The following ARHGAP32 variants were observed in gnomAD, a reference collection of about 807,000 sequenced individuals.
ARHGAP32 encodes Rho GTPase activating protein 32.
In ARHGAP32, 51 loss-of-function variants were observed where a neutral mutation model predicts 186.5. The observed-to-expected ratio is 0.27, with a 90% CI of 0.22 to 0.35. The LOEUF is 0.35. Among genes scored for constraint, ARHGAP32 ranks in the 10% least tolerant of loss-of-function variants. ARHGAP32 has a pLI of 1.00. For missense variants in ARHGAP32, 2,186 were observed against 2,623.5 expected (o/e 0.83, Z 3.64); for synonymous variants, 950 against 964.3 (o/e 0.99, Z 0.27).
intron 2 of ARHGAP32, among the ~76,000 whole-genome samples, chr11:129,129,357 C>T (rs1942753399): frequency 6.6e-6 from 1 of 152,140 alleles, no homozygotes; most frequent in Non-Finnish European, 1.5e-5. Flanking sequence ...CCGGCAGCCG[C>T]CCCGTCTGGG....
At chr11:129,052,547 A>C (rs545111426) in intron 10 of ARHGAP32, among the ~76,000 whole-genome samples, 14 of 152,134 alleles carry the variant, frequency 9.2e-5, no homozygotes, top group African/African-American at 3.4e-4. Context: ...ATTTATTTGG[A>C]TCTTCTTTAA....
intron 10 of ARHGAP32, among the ~76,000 whole-genome samples, chr11:129,048,595 T>C (rs1247455581): frequency 6.6e-6 from 1 of 152,036 alleles, no homozygotes; most frequent in Non-Finnish European, 1.5e-5. Context: ...CTCTAGAATC[T>C]ACACTGGAAA....
At chr11:129,247,242 T>A (rs34364725) in intron 1 of ARHGAP32, among the ~76,000 whole-genome samples, 30,522 of 151,950 alleles carry the variant, frequency 0.2, 3,177 homozygotes, top group East Asian at 0.28. Flanking sequence ...GTTTACATGC[T>A]AAAAGTATAA....
At chr11:129,233,496 C>A (rs933207629) in intron 1 of ARHGAP32, among the ~76,000 whole-genome samples, 7 of 152,126 alleles carry the variant, frequency 4.6e-5, no homozygotes, top group African/African-American at 1.7e-4. Context: ...TCTAACTCTA[C>A]CAATGCTGAA....
At chr11:129,155,837 A>G (rs1340049573) in intron 2 of ARHGAP32, among the ~76,000 whole-genome samples, 3 of 152,214 alleles carry the variant, frequency 2.0e-5, no homozygotes, top group Admixed American at 6.5e-5. Context: ...AGATCAATGC[A>G]GAAGGCGGGT....
At chr11:129,267,661 C>A (rs1300733639) in intron 1 of ARHGAP32, among the ~76,000 whole-genome samples, 1 of 152,188 alleles carries the variant, frequency 6.6e-6, no homozygotes, top group African/African-American at 2.4e-5. Flanking sequence ...TAACTTGATT[C>A]ATAACTTGCA....
At chr11:129,063,312 A>G (rs912959954) in intron 9 of ARHGAP32, among the ~76,000 whole-genome samples, 2 of 152,168 alleles carry the variant, frequency 1.3e-5, no homozygotes, top group East Asian at 3.8e-4. Context: ...TATTTCTTAA[A>G]TTTAGTAACT....
Position 128,969,929 on chromosome 11 carries a change from C to G in ARHGAP32, c.5284G>C (p.Glu1762Gln). 1 of 1,614,234 alleles carries G rather than the reference C, an allele frequency of 6.2e-7. No homozygotes were observed. Among genetic ancestry groups the G allele is most frequent in the East Asian group, 2.2e-5 (1 of 44,886 alleles). The change falls in exon 23 of 23, where the codon GAA (glutamate) becomes CAA (glutamine). Residue 1762 changes from glutamate (E) to glutamine (Q), a missense_variant. Transcript: ENST00000682385. The surrounding 1 kb of genome is among the most constrained non-coding windows in gnomAD (Gnocchi z 4.8). ...CGGATGGACTGCATGCGGTATTTTT[C>G]CATGTCCTCAAGATCCCATGAGGTG... ...TYTSWDLEDM[E>Q]KYRMQSIRRE... is the part of the protein sequence containing the mutation.
At chr11:129,232,625 AAG>A (rs1944873715) in intron 1 of ARHGAP32, among the ~76,000 whole-genome samples, 1 of 152,188 alleles carries the variant, frequency 6.6e-6, no homozygotes, top group African/African-American at 2.4e-5. Flanking sequence ...CATAAAAAAA[AAG>A]GTGTCAGCCA....
chr11:129,182,902 C>G (rs1317938069), intron 1 of ARHGAP32, among the ~76,000 whole-genome samples: 2 of 152,022 alleles, frequency 1.3e-5, no homozygotes, highest in Non-Finnish European at 2.9e-5. Context: ...GCCACTTTAG[C>G]CTCCCAAAAT....
chr11:129,091,730 A>G (rs1277184840), intron 6 of ARHGAP32, among the ~76,000 whole-genome samples: 1 of 152,082 alleles, frequency 6.6e-6, no homozygotes, highest in Non-Finnish European at 1.5e-5. Flanking sequence ...ATAGACACAG[A>G]AAAAGGTGGC....
At chr11:129,219,318 T>G (rs1198325428) in intron 1 of ARHGAP32, among the ~76,000 whole-genome samples, 1 of 152,206 alleles carries the variant, frequency 6.6e-6, no homozygotes, top group Non-Finnish European at 1.5e-5. Context: ...TCCATGCTAT[T>G]GAGATAGTTG....
intron 11 of ARHGAP32, among the ~76,000 whole-genome samples, chr11:129,021,316 C>T (rs540106685): frequency 2.8e-4 from 43 of 152,140 alleles, no homozygotes; most frequent in African/African-American, 8.9e-4. Flanking sequence ...AAATGGGCCA[C>T]AAACTGCTTC....
At chr11:129,247,704 T>C (rs967836551) in intron 1 of ARHGAP32, among the ~76,000 whole-genome samples, 9 of 152,202 alleles carry the variant, frequency 5.9e-5, no homozygotes, top group Non-Finnish European at 7.3e-5. Flanking sequence ...AACCTTTGCA[T>C]TCTAGTAGAA....
intron 20 of ARHGAP32, 97 bp from the exon 21 acceptor site, chr11:128,975,099 G>A: frequency 1.1e-6 from 1 of 947,510 alleles, no homozygotes; most frequent in South Asian, 1.7e-5. Flanking sequence ...TTACTATCTA[G>A]GTGAAGGAAG....
intron 1 of ARHGAP32, among the ~76,000 whole-genome samples, chr11:129,189,594 T>C (rs1018243019): frequency 9.2e-5 from 14 of 152,184 alleles, no homozygotes; most frequent in African/African-American, 3.4e-4. Flanking sequence ...GTCTAATAAC[T>C]ATTTTACCAC....
intron 2 of ARHGAP32, among the ~76,000 whole-genome samples, chr11:129,160,651 T>C (rs1310420031): frequency 6.6e-6 from 1 of 152,062 alleles, no homozygotes. Flanking sequence ...CTCAATGAAA[T>C]AAGAGAGGAC....
chr11:129,051,746 G>A (rs1940050924), intron 10 of ARHGAP32, among the ~76,000 whole-genome samples: 2 of 151,804 alleles, frequency 1.3e-5, no homozygotes, highest in Non-Finnish European at 2.9e-5. Flanking sequence ...CACAAGGTCA[G>A]GAGATCGAGA....
chr11:129,278,296 A>G (rs2135738814), intron 1 of ARHGAP32, among the ~76,000 whole-genome samples: 1 of 152,374 alleles, frequency 6.6e-6, no homozygotes, highest in Admixed American at 6.5e-5. Context: ...GTAACTCTGC[A>G]TTCAGATCAA....
Sources: allele counts gnomAD v4.1 joint callset (sites outside exome capture counted in the v4.1 genomes callset), GRCh38; gene constraint gnomAD v4.1.1; non-coding constraint Gnocchi (gnomAD v3.1); transcripts MANE v1.5; gene names NCBI Gene and HGNC (gene_info 2026-07-23, HGNC 2026-07-21).